KLHL5: variants seen among roughly 807,000 people sequenced by gnomAD.
KLHL5 encodes kelch like family member 5, also known as kelch-like protein 5.
In KLHL5, 48 loss-of-function variants were observed where a neutral mutation model predicts 77.7. The ratio of observed to expected loss-of-function variants is 0.62; its 90% confidence interval spans 0.49 to 0.79. The LOEUF (loss-of-function observed/expected upper bound fraction) is 0.79. Among genes scored for constraint, KLHL5 ranks in the 30% least tolerant of loss-of-function variants. The probability of loss-of-function intolerance (pLI) is 0.00; values close to 1 mark genes in which losing one functional copy is unlikely to be tolerated. For missense variants in KLHL5, 723 were observed against 859.7 expected, an observed-to-expected ratio of 0.84 and a Z score of 1.99; for synonymous variants, 260 against 297.0, an observed-to-expected ratio of 0.88 and a Z score of 1.28.
chr4:39,070,228 T>G (rs376787467), intron 1 of KLHL5, among the ~76,000 whole-genome samples: 43 of 152,280 alleles, frequency 2.8e-4, no homozygotes, highest in Non-Finnish European at 3.4e-4. Context: ...GACCATTCCC[T>G]GTAGACTAAG....
downstream of KLHL5, among the ~76,000 whole-genome samples, chr4:39,130,965 C>T (rs2109668268): frequency 6.6e-6 from 1 of 151,954 alleles, no homozygotes; most frequent in East Asian, 1.9e-4. Flanking sequence ...GCCTCAGCCT[C>T]CCAAGTACCT....
At chr4:39,085,865 C>T (rs539141619) in intron 4 of KLHL5, among the ~76,000 whole-genome samples, 1 of 152,118 alleles carries the variant, frequency 6.6e-6, no homozygotes, top group South Asian at 2.1e-4. Context: ...TAAAAACAGA[C>T]CCTTAAAAGA....
chr4:39,065,089 A>T (rs2109301999), intron 1 of KLHL5, among the ~76,000 whole-genome samples: 1 of 152,292 alleles, frequency 6.6e-6, no homozygotes, highest in Admixed American at 6.5e-5. Context: ...CAATCTTCTT[A>T]TTGCAAATAA....
Position 39,122,067 on chromosome 4 carries a change from TA to T in KLHL5, c.*1004del, listed in dbSNP as rs1341988496. On this transcript the variant is annotated 3_prime_UTR_variant, in exon 11 of 11. Coordinates refer to ENST00000504108, the MANE Select transcript of KLHL5 (RefSeq NM_015990.5). ...TTATTGAATGTCTAAAAAATAAGTT[TA>T]AAGTGTTTGTTACCCTAAGTTTTTT... 2.0e-5 allele frequency: 3 copies of T among 152,654 alleles called. No individual in the cohort carries two copies. Among genetic ancestry groups the T allele is most frequent in the Non-Finnish European group, 4.4e-5 (3 of 68,036 alleles). The allele number at this position is 152,654 out of a possible 1,614,324, so 9.5% of individuals were successfully genotyped here. A position where few individuals can be genotyped will look rare whatever the true frequency, so the allele number is the denominator to read the frequency against.
upstream of KLHL5, among the ~76,000 whole-genome samples, chr4:39,059,774 C>CT (rs1447218139): frequency 6.6e-6 from 1 of 152,020 alleles, no homozygotes; most frequent in East Asian, 1.9e-4. Context: ...TGGTGTGTGC[C>CT]TGTAGTCCCA....
intron 1 of KLHL5, among the ~76,000 whole-genome samples, chr4:39,071,567 G>C (rs985321661): frequency 6.6e-6 from 1 of 152,186 alleles, no homozygotes; most frequent in Non-Finnish European, 1.5e-5. Context: ...AAGGGTTAGA[G>C]TTGCTATTTC....
chr4:39,072,007 T>C (rs773300970), intron 1 of KLHL5, among the ~76,000 whole-genome samples: 4 of 152,184 alleles, frequency 2.6e-5, no homozygotes, highest in Non-Finnish European at 2.9e-5. Context: ...CAGAGAGAAA[T>C]ATATTTTAAA....
chr4:39,085,952 TGACTGTC>T (rs1183633420), intron 4 of KLHL5, among the ~76,000 whole-genome samples: 6 of 152,206 alleles, frequency 3.9e-5, no homozygotes, highest in African/African-American at 1.4e-4. Context: ...AAGACCGATT[TGACTGTC>T]GTATAACTCT....
At chr4:39,085,481 AG>A (rs1160066653) in intron 4 of KLHL5, among the ~76,000 whole-genome samples, 1 of 152,216 alleles carries the variant, frequency 6.6e-6, no homozygotes, top group Non-Finnish European at 1.5e-5. Context: ...ATGCTGAGAC[AG>A]CGATAATACA....
At position 39,123,097 on chromosome 4, in the gene KLHL5, T is replaced by C. The variant is rs987409567; in HGVS notation, c.*2031T>C. ...ACTTAACTATAAACAAATTTATTCATAGAAGCATTGTTGCCAACAATTTAG... is the reference window on the plus strand; with the variant it reads ...ACTTAACTATAAACAAATTTATTCACAGAAGCATTGTTGCCAACAATTTAG... On this transcript the variant is annotated 3_prime_UTR_variant, in exon 11 of 11. Transcript: ENST00000504108. Among the ~76,000 whole-genome samples, 6 of 152,162 alleles carry C rather than the reference T, an allele frequency of 3.9e-5. No individual in the cohort carries two copies. Among genetic ancestry groups the C allele is most frequent in the African/African-American group, 1.2e-4 (5 of 41,444 alleles).
At chr4:39,054,336 A>G (rs969660873) in intron 1 of KLHL5, among the ~76,000 whole-genome samples, 2 of 152,206 alleles carry the variant, frequency 1.3e-5, no homozygotes, top group Non-Finnish European at 2.9e-5. Context: ...CACCAGATAT[A>G]GGTATTAAGT....
chr4:39,085,982 T>A (rs1157402454), intron 4 of KLHL5, among the ~76,000 whole-genome samples: 1 of 152,134 alleles, frequency 6.6e-6, no homozygotes, highest in Non-Finnish European at 1.5e-5. Context: ...GAACAAATAC[T>A]CATTCCAGGG....
intron 2 of KLHL5, among the ~76,000 whole-genome samples, chr4:39,079,032 T>C (rs947271032): frequency 6.6e-6 from 1 of 152,192 alleles, no homozygotes; most frequent in African/African-American, 2.4e-5. Flanking sequence ...TGACAGAAAG[T>C]CCAGGTTATG....
chr4:39,123,808 C>T lies in KLHL5; in HGVS notation c.*2742C>T, dbSNP rs940960061. ...TAATATCATGAAAATTCCTGATTTC[C>T]CCACTGCTATTCAACATTATACTAG... On this transcript the variant is annotated 3_prime_UTR_variant, in exon 11 of 11. Transcript: ENST00000504108. Among the ~76,000 whole-genome samples the T allele has an allele frequency of 1.3e-5, 2 of 152,068 alleles. No individual in the cohort carries two copies. The highest frequency in any genetic ancestry group is 2.9e-5 in the Non-Finnish European group (2 of 67,982).
At chr4:39,101,126 T>TTA (rs60405643) in intron 6 of KLHL5, among the ~76,000 whole-genome samples, 3,369 of 134,836 alleles carry the variant, frequency 0.025, 145 homozygotes, top group African/African-American at 0.082. Context: ...TATTTGGATT[T>TTA]TATATATATA....
chr4:39,110,159 A>G (rs1459578303), intron 8 of KLHL5, among the ~76,000 whole-genome samples: 2 of 152,208 alleles, frequency 1.3e-5, no homozygotes, highest in Admixed American at 6.5e-5. Context: ...CTTATTTAAA[A>G]TGTATTACAA....
chr4:39,092,054 G>A (rs1720632555), intron 5 of KLHL5, among the ~76,000 whole-genome samples: 2 of 151,962 alleles, frequency 1.3e-5, no homozygotes, highest in South Asian at 4.1e-4. Flanking sequence ...TGAGGGGACA[G>A]TTTTAGAGCA....
chr4:39,052,269 T>C (rs2566118), intron 1 of KLHL5, among the ~76,000 whole-genome samples: 110,688 of 151,692 alleles, frequency 0.73, 40,529 homozygotes, highest in East Asian at 0.82. Flanking sequence ...TACAGGTGCC[T>C]GCTACCACGC....
chr4:39,047,502 A>G (rs1716282985), intron 1 of KLHL5, among the ~76,000 whole-genome samples: 1 of 152,348 alleles, frequency 6.6e-6, no homozygotes, highest in African/African-American at 2.4e-5. Flanking sequence ...GAGAATTGGA[A>G]AGCAAAGAGT....
Sources: gnomAD v4.1 joint callset for allele counts (sites outside exome capture counted in the v4.1 genomes callset) on GRCh38, gnomAD v4.1.1 for gene constraint, MANE v1.5 for transcripts, NCBI Gene and HGNC (gene_info 2026-07-23, HGNC 2026-07-21) for gene names.